CHSY1: variants seen among roughly 807,000 people sequenced by gnomAD.
CHSY1 encodes the protein chondroitin sulfate synthase 1.
CHSY1 carries 13 observed loss-of-function variants against 59.8 expected under a neutral mutation model. The ratio of observed to expected loss-of-function variants is 0.22; its 90% CI spans 0.14 to 0.35. The LOEUF is 0.35. Ranked by LOEUF, CHSY1 falls within the 10% of genes least tolerant of loss-of-function variation. The pLI is 1.00. For missense variants in CHSY1, 947 were observed against 1,030.6 expected (o/e 0.92, Z 1.11); for synonymous variants, 459 against 401.2 (o/e 1.14, Z -1.72).
intron 2 of CHSY1, among the ~76,000 whole-genome samples, chr15:101,229,609 A>T (rs1474152924): frequency 6.6e-6 from 1 of 152,200 alleles, no homozygotes; most frequent in African/African-American, 2.4e-5. Flanking sequence ...ATTCAACAAT[A>T]ACATTAGAGA....
chr15:101,183,229 A>G (rs945132711), intron 2 of CHSY1, among the ~76,000 whole-genome samples: 12 of 152,214 alleles, frequency 7.9e-5, no homozygotes, highest in African/African-American at 2.9e-4. Flanking sequence ...AATATAAAAA[A>G]ATGGATCCAG....
At chr15:101,221,036 A>G (rs375619568) in intron 2 of CHSY1, among the ~76,000 whole-genome samples, 1 of 152,138 alleles carries the variant, frequency 6.6e-6, no homozygotes, top group Non-Finnish European at 1.5e-5. Context: ...CTTCAGACTC[A>G]GTGCCACCTG....
intron 2 of CHSY1, 67 bp from the exon 3 acceptor site, chr15:101,179,047 GA>G: frequency 6.7e-7 from 1 of 1,483,232 alleles, no homozygotes; most frequent in Non-Finnish European, 9.4e-7. Flanking sequence ...ACATGCTAAA[GA>G]AAATGCAAAT....
intron 2 of CHSY1, among the ~76,000 whole-genome samples, chr15:101,205,918 C>G (rs1056656530): frequency 1.3e-5 from 2 of 151,802 alleles, no homozygotes; most frequent in African/African-American, 4.8e-5. Flanking sequence ...CGCCACTACA[C>G]TCCAGCCTGG....
At chr15:101,223,222 T>C (rs936292772) in intron 2 of CHSY1, among the ~76,000 whole-genome samples, 2 of 152,210 alleles carry the variant, frequency 1.3e-5, no homozygotes, top group Non-Finnish European at 2.9e-5. Flanking sequence ...CCCGAACTCC[T>C]GATCTCAGGT....
At chr15:101,189,101 G>A (rs2038409856) in intron 2 of CHSY1, among the ~76,000 whole-genome samples, 1 of 152,236 alleles carries the variant, frequency 6.6e-6, no homozygotes. Flanking sequence ...AAGCCCAAAT[G>A]TCACGTACAG....
chr15:101,212,916 C>T (rs968604386), intron 2 of CHSY1, among the ~76,000 whole-genome samples: 59 of 152,118 alleles, frequency 3.9e-4, no homozygotes, highest in Non-Finnish European at 1.3e-4. Flanking sequence ...TAAAGTATTA[C>T]TGGTAGAATC....
intron 2 of CHSY1, among the ~76,000 whole-genome samples, chr15:101,230,173 C>A (rs1250665171): frequency 1.3e-5 from 2 of 152,092 alleles, no homozygotes; most frequent in Non-Finnish European, 2.9e-5. Flanking sequence ...AACTCCTGAC[C>A]TCAGGTGATC....
chr15:101,213,398 AAAACAAAAAGCATCG>A (rs1416666197), intron 2 of CHSY1, among the ~76,000 whole-genome samples: 5 of 147,918 alleles, frequency 3.4e-5, no homozygotes, highest in Non-Finnish European at 7.4e-5. Context: ...AGGAAGGAAA[AAAACAAAAAGCATCG>A]AAACTGGAAA....
At chr15:101,247,361 T>C (rs1339568167) in intron 1 of CHSY1, among the ~76,000 whole-genome samples, 1 of 152,160 alleles carries the variant, frequency 6.6e-6, no homozygotes, top group Non-Finnish European at 1.5e-5. Context: ...CTCCAAACTC[T>C]TCCCTAATCA....
At chr15:101,222,346 C>G (rs1176134719) in intron 2 of CHSY1, among the ~76,000 whole-genome samples, 1 of 152,194 alleles carries the variant, frequency 6.6e-6, no homozygotes, top group African/African-American at 2.4e-5. Flanking sequence ...CTTTGTACTT[C>G]AAGACAATTT....
intron 2 of CHSY1, among the ~76,000 whole-genome samples, chr15:101,191,352 C>T (rs955126341): frequency 2.6e-5 from 4 of 152,180 alleles, no homozygotes; most frequent in Non-Finnish European, 4.4e-5. Context: ...CTATATAACA[C>T]TGTAAAACAA....
At chr15:101,182,555 A>G (rs1596423949) in intron 2 of CHSY1, among the ~76,000 whole-genome samples, 1 of 152,258 alleles carries the variant, frequency 6.6e-6, no homozygotes, top group South Asian at 2.1e-4. Context: ...AATTACACCC[A>G]AGCACAAGGT....
chr15:101,217,754 A>C (rs1305108410), intron 2 of CHSY1, among the ~76,000 whole-genome samples: 1 of 152,242 alleles, frequency 6.6e-6, no homozygotes, highest in Non-Finnish European at 1.5e-5. Context: ...CAAATAAATG[A>C]GGAAGAACAG....
chr15:101,239,677 G>A (rs923531898), intron 1 of CHSY1, among the ~76,000 whole-genome samples: 2 of 152,130 alleles, frequency 1.3e-5, no homozygotes, highest in Non-Finnish European at 2.9e-5. Context: ...TCAGTCTCAG[G>A]AGCACACGGA....
chr15:101,181,455 C>T (rs1264921392), intron 2 of CHSY1, among the ~76,000 whole-genome samples: 1 of 152,212 alleles, frequency 6.6e-6, no homozygotes, highest in Non-Finnish European at 1.5e-5. Flanking sequence ...AGTGTAAACA[C>T]ACATTAATTT....
intron 2 of CHSY1, among the ~76,000 whole-genome samples, chr15:101,211,981 G>C (rs1387401424): frequency 6.6e-6 from 1 of 150,776 alleles, no homozygotes; most frequent in African/African-American, 2.4e-5. Flanking sequence ...ACTTGGGGTA[G>C]GCAAAAGTCA....
intron 2 of CHSY1, among the ~76,000 whole-genome samples, chr15:101,220,029 T>C (rs1346527593): frequency 6.6e-6 from 1 of 152,160 alleles, no homozygotes; most frequent in African/African-American, 2.4e-5. Flanking sequence ...GCTGGGATTA[T>C]AAGCATGAGC....
chr15:101,176,535 C>T lies in CHSY1; in HGVS notation c.*853G>A, dbSNP rs188244423. 7.6e-6 allele frequency: 3 copies of T among 397,158 alleles called. No individual in the cohort carries two copies. Among genetic ancestry groups the T allele is most frequent in the African/African-American group, 4.1e-5 (2 of 48,732 alleles). 24.6% of individuals were successfully genotyped at this position (397,158 alleles called of 1,614,324 possible). On this transcript the variant is annotated 3_prime_UTR_variant, in exon 3 of 3. Coordinates refer to ENST00000254190, the MANE Select transcript of CHSY1 (RefSeq NM_014918.5). The stretch of plus-strand genomic sequence containing the variant: ...TCTATTTAGGCCGAATGAACTACCA[C>T]GAGAACAGCCACATACCTCACTGTG...
Sources: gnomAD v4.1 joint callset for allele counts (sites outside exome capture counted in the v4.1 genomes callset) on GRCh38, gnomAD v4.1.1 for gene constraint, MANE v1.5 for transcripts, NCBI Gene and HGNC (gene_info 2026-07-23, HGNC 2026-07-21) for gene names.